LRRC3B: variants seen among roughly 807,000 people sequenced by gnomAD.
LRRC3B encodes leucine-rich repeat-containing protein 3B.
A neutral mutation model predicts 12.8 loss-of-function variants in LRRC3B; 2 were observed. That is an observed-to-expected ratio of 0.16 (90% CI 0.06 to 0.49). The LOEUF is 0.49. LRRC3B is among the 20% of genes least tolerant of loss of function. The probability of loss-of-function intolerance (pLI) is 0.96; values close to 1 mark genes in which losing one functional copy is unlikely to be tolerated. For missense variants in LRRC3B, 189 were observed against 319.4 expected, an observed-to-expected ratio of 0.59 and a Z score of 3.11; for synonymous variants, 132 against 122.0, an observed-to-expected ratio of 1.08 and a Z score of -0.54.
At chr3:26,660,575 A>G (rs574334362) in intron 1 of LRRC3B, among the ~76,000 whole-genome samples, 1 of 152,276 alleles carries the variant, frequency 6.6e-6, no homozygotes, top group South Asian at 2.1e-4. Flanking sequence ...TAGGTTTTTG[A>G]AGTGGCCAGT....
At chr3:26,644,695 G>A (rs1044088180) in intron 1 of LRRC3B, among the ~76,000 whole-genome samples, 2 of 152,144 alleles carry the variant, frequency 1.3e-5, no homozygotes, top group African/African-American at 4.8e-5. Flanking sequence ...GGACACTTAA[G>A]GAAATTTGAA....
chr3:26,686,786 AAGG>A (rs1014715962), intron 1 of LRRC3B, among the ~76,000 whole-genome samples: 1 of 152,150 alleles, frequency 6.6e-6, no homozygotes, highest in Non-Finnish European at 1.5e-5. Context: ...GAATGGCAAG[AAGG>A]AGAAGATAAG....
chr3:26,700,957 A>T (rs1700438206), intron 1 of LRRC3B, among the ~76,000 whole-genome samples: 1 of 152,166 alleles, frequency 6.6e-6, no homozygotes, highest in African/African-American at 2.4e-5. Flanking sequence ...ATAAAATGAA[A>T]CTTTCCTTCT....
At chr3:26,699,747 C>T (rs954031516) in intron 1 of LRRC3B, among the ~76,000 whole-genome samples, 2 of 152,088 alleles carry the variant, frequency 1.3e-5, no homozygotes, top group Non-Finnish European at 2.9e-5. Context: ...AAAGCTCTCA[C>T]GTTGTAAATG....
At chr3:26,643,010 C>T (rs182754167) in intron 1 of LRRC3B, among the ~76,000 whole-genome samples, 6 of 127,578 alleles carry the variant, frequency 4.7e-5, no homozygotes, top group East Asian at 3.8e-4. Context: ...AGCGAGACTC[C>T]GTTTCAAAAA....
chr3:26,699,881 A>G (rs148252779), intron 1 of LRRC3B, among the ~76,000 whole-genome samples: 117 of 152,328 alleles, frequency 7.7e-4, no homozygotes, highest in African/African-American at 2.3e-3. Context: ...TAGCAGAGAC[A>G]TCGTGGTATC....
intron 1 of LRRC3B, among the ~76,000 whole-genome samples, chr3:26,628,431 A>G (rs935428437): frequency 6.6e-6 from 1 of 151,236 alleles, no homozygotes; most frequent in African/African-American, 2.4e-5. Flanking sequence ...TGGAAAAAAA[A>G]AAAAAAAAGC....
chr3:26,647,207 T>C (rs1287082544), intron 1 of LRRC3B, among the ~76,000 whole-genome samples: 1 of 152,156 alleles, frequency 6.6e-6, no homozygotes, highest in Non-Finnish European at 1.5e-5. Flanking sequence ...AAGAGTAGCC[T>C]TTCCTCCCTC....
chr3:26,682,183 G>T (rs1433869536), intron 1 of LRRC3B, among the ~76,000 whole-genome samples: 1 of 152,144 alleles, frequency 6.6e-6, no homozygotes. Context: ...GAATAAGAGG[G>T]TACTGTGGTT....
intron 1 of LRRC3B, among the ~76,000 whole-genome samples, chr3:26,648,457 A>C (rs1286995814): frequency 6.6e-6 from 1 of 152,088 alleles, no homozygotes; most frequent in Admixed American, 6.5e-5. Context: ...TTTCAGTAAA[A>C]ATTTAAATCT....
chr3:26,631,271 T>A (rs35807511), intron 1 of LRRC3B, among the ~76,000 whole-genome samples: 7,071 of 152,280 alleles, frequency 0.046, 414 homozygotes, highest in East Asian at 0.17. Flanking sequence ...CCTTGGCCAA[T>A]ATCACCTGAA....
chr3:26,671,957 T>C (rs543506017), intron 1 of LRRC3B, among the ~76,000 whole-genome samples: 2 of 152,156 alleles, frequency 1.3e-5, no homozygotes, highest in Non-Finnish European at 2.9e-5. Context: ...ATTTAGGCGG[T>C]TGAAAATGGA....
chr3:26,708,038 C>T (rs1700646867), intron 1 of LRRC3B, among the ~76,000 whole-genome samples: 1 of 152,202 alleles, frequency 6.6e-6, no homozygotes, highest in African/African-American at 2.4e-5. Flanking sequence ...ATTATGTTTT[C>T]AGCTCACATT....
chr3:26,707,956 GT>G (rs999062058), intron 1 of LRRC3B, among the ~76,000 whole-genome samples: 45 of 152,126 alleles, frequency 3.0e-4, no homozygotes, highest in African/African-American at 9.7e-4. Context: ...ACTCGACTCA[GT>G]TTTCCAAAAG....
chr3:26,644,698 A>C (rs1237951738), intron 1 of LRRC3B, among the ~76,000 whole-genome samples: 1 of 152,226 alleles, frequency 6.6e-6, no homozygotes, highest in Admixed American at 6.5e-5. Context: ...CACTTAAGGA[A>C]ATTTGAAAAC....
intron 1 of LRRC3B, among the ~76,000 whole-genome samples, chr3:26,647,289 G>A (rs1290788972): frequency 6.6e-6 from 1 of 152,072 alleles, no homozygotes; most frequent in Non-Finnish European, 1.5e-5. Flanking sequence ...CGGTTTTGAT[G>A]ACTCATTTGT....
At chr3:26,696,951 G>T (rs572865422) in intron 1 of LRRC3B, among the ~76,000 whole-genome samples, 3 of 152,214 alleles carry the variant, frequency 2.0e-5, no homozygotes, top group Admixed American at 1.3e-4. Context: ...ATAACTAATT[G>T]TTTTGACTGT....
chr3:26,624,718 T>C (rs1301169745), intron 1 of LRRC3B: 1 of 152,242 alleles, frequency 6.6e-6, no homozygotes, highest in Non-Finnish European at 1.5e-5. Context: ...GACCCAGCTC[T>C]TAGACCTGGG....
rs762611977 is a variant in LRRC3B at position 26,663,920 on chromosome 3, C to T, written c.-161+40683C>T. 5.9e-5 allele frequency among the ~76,000 whole-genome samples: 9 copies of T among 152,150 alleles called. No individual in the cohort carries two copies. In the East Asian group the frequency reaches 7.7e-4, roughly 13 times the overall value. On this transcript the variant is annotated intron_variant, in intron 1 of 1. Coordinates refer to ENST00000396641, the Ensembl canonical transcript of LRRC3B. ...ATAGCCTTTGAGTTGGTCTTCCTGCCGATAAAATTGCCCCTTTTTAATTCA... is the reference window on the plus strand; with the variant it reads ...ATAGCCTTTGAGTTGGTCTTCCTGCTGATAAAATTGCCCCTTTTTAATTCA...
Sources: gnomAD v4.1 joint callset for allele counts (sites outside exome capture counted in the v4.1 genomes callset) on GRCh38, gnomAD v4.1.1 for gene constraint, MANE v1.5 for transcripts, NCBI Gene and HGNC (gene_info 2026-07-23, HGNC 2026-07-21) for gene names.